PIK3CB: variants seen among roughly 807,000 people sequenced by gnomAD.
PIK3CB encodes the protein phosphatidylinositol 4,5-bisphosphate 3-kinase catalytic subunit beta isoform.
PIK3CB carries 39 observed loss-of-function variants against 136.8 expected under a neutral mutation model. The ratio of observed to expected loss-of-function variants is 0.29; its 90% CI spans 0.22 to 0.37. The LOEUF is 0.37. PIK3CB is among the 10% of genes least tolerant of loss of function. The probability of loss-of-function intolerance (pLI) is 1.00; values close to 1 mark genes in which losing one functional copy is unlikely to be tolerated. For synonymous variants in PIK3CB, 428 were observed against 436.6 expected, an observed-to-expected ratio of 0.98 and a Z score of 0.25; for missense variants, 868 against 1,275.4, an observed-to-expected ratio of 0.68 and a Z score of 4.87.
At chr3:138,713,707 A>G (rs1013776507) in intron 9 of PIK3CB, among the ~76,000 whole-genome samples, 11 of 152,118 alleles carry the variant, frequency 7.2e-5, no homozygotes, top group African/African-American at 2.7e-4. Context: ...AAATTAATAT[A>G]TAGATAAATA....
In PIK3CB at chr3:138,737,906, G is replaced by A; in HGVS notation, c.622-20C>T. The A allele has an allele frequency of 6.7e-7, 1 of 1,500,234 alleles. No individual in the cohort carries two copies. Among genetic ancestry groups the A allele is most frequent in the Non-Finnish European group, 9.1e-7 (1 of 1,103,988 alleles). The allele number at this position is 1,500,234 out of a possible 1,614,324, so 92.9% of individuals were successfully genotyped here. A position where few individuals can be genotyped will look rare whatever the true frequency, so the allele number is the denominator to read the frequency against. On this transcript the variant is annotated intron_variant, in intron 5 of 23. Transcript: ENST00000674063. ...CACGTCCTGAAGGGGGAGGGAGATG[G>A]GGAAAAAAGCAGTAAATGTTATATT... is the stretch of plus-strand genomic sequence containing the variant.
intron 9 of PIK3CB, among the ~76,000 whole-genome samples, chr3:138,713,898 G>A (rs532071158): frequency 7.2e-5 from 11 of 152,118 alleles, no homozygotes; most frequent in Admixed American, 5.2e-4. Flanking sequence ...AAAAACTGAA[G>A]GTTTGTTCAT....
chr3:138,773,467 C>T (rs1176422596), intron 2 of PIK3CB, among the ~76,000 whole-genome samples: 1 of 151,744 alleles, frequency 6.6e-6, no homozygotes, highest in Non-Finnish European at 1.5e-5. Context: ...AGAGGGAGGA[C>T]ATTATTGGTA....
chr3:138,669,145 C>A (rs143743455), intron 19 of PIK3CB, among the ~76,000 whole-genome samples: 23 of 152,254 alleles, frequency 1.5e-4, no homozygotes, highest in Admixed American at 3.9e-4. Flanking sequence ...GGTGCGGTGG[C>A]TCACGCCTGT....
intron 8 of PIK3CB, among the ~76,000 whole-genome samples, chr3:138,726,171 T>G (rs1239758799): frequency 6.6e-6 from 1 of 152,220 alleles, no homozygotes; most frequent in Non-Finnish European, 1.5e-5. Context: ...TGTTCAGTTC[T>G]CAAAGTATGT....
chr3:138,752,552 T>C (rs1388164399), intron 4 of PIK3CB, among the ~76,000 whole-genome samples: 1 of 152,010 alleles, frequency 6.6e-6, no homozygotes, highest in Admixed American at 6.6e-5. Flanking sequence ...TGCCAAAGAA[T>C]ACAAAAATTA....
chr3:138,682,189 C>G, intron 18 of PIK3CB, 144 bp from the exon 19 acceptor site: 1 of 547,272 alleles, frequency 1.8e-6, no homozygotes, highest in South Asian at 2.9e-5. Context: ...AAATATTACA[C>G]TCTTTGGATA....
At chr3:138,777,701 T>A (rs2045875408) in intron 2 of PIK3CB, 1 of 154,058 alleles carries the variant, frequency 6.5e-6, no homozygotes, top group African/African-American at 2.4e-5. Context: ...CCTATTAGAA[T>A]GAAATCACGC....
chr3:138,795,787 A>T (rs1247321470), intron 2 of PIK3CB, among the ~76,000 whole-genome samples: 2 of 152,168 alleles, frequency 1.3e-5, no homozygotes, highest in African/African-American at 4.8e-5. Flanking sequence ...AAATATTTAG[A>T]TTTTATCACC....
At chr3:138,765,048 C>T (rs190730702) in intron 2 of PIK3CB, among the ~76,000 whole-genome samples, 22 of 152,230 alleles carry the variant, frequency 1.4e-4, no homozygotes, top group Non-Finnish European at 2.1e-4. Context: ...AGAAGGAGGC[C>T]GGGCACAGTG....
At chr3:138,729,238 G>A (rs1576364219) in intron 8 of PIK3CB, among the ~76,000 whole-genome samples, 1 of 150,950 alleles carries the variant, frequency 6.6e-6, no homozygotes, top group African/African-American at 2.4e-5. Flanking sequence ...GTGAGATTGC[G>A]CCACTGCACT....
At chr3:138,774,397 C>CA (rs1360190920) in intron 2 of PIK3CB, among the ~76,000 whole-genome samples, 1 of 152,192 alleles carries the variant, frequency 6.6e-6, no homozygotes, top group East Asian at 1.9e-4. Context: ...ACTGGATACA[C>CA]TTTTGCACCT....
intron 4 of PIK3CB, among the ~76,000 whole-genome samples, chr3:138,751,771 G>T (rs2045476585): frequency 6.6e-6 from 1 of 151,890 alleles, no homozygotes; most frequent in Non-Finnish European, 1.5e-5. Context: ...AGGAGTTCGA[G>T]ACCAGCCTAG....
At chr3:138,659,538 G>A (rs1454695039) in intron 21 of PIK3CB, among the ~76,000 whole-genome samples, 1 of 151,968 alleles carries the variant, frequency 6.6e-6, no homozygotes, top group African/African-American at 2.4e-5. Context: ...AAAAAGTTTG[G>A]TTATCGAATT....
chr3:138,750,241 T>G (rs1209661675), intron 4 of PIK3CB, among the ~76,000 whole-genome samples: 1 of 152,196 alleles, frequency 6.6e-6, no homozygotes, highest in East Asian at 1.9e-4. Flanking sequence ...TTAGCATATC[T>G]ATCACCTCAA....
At chr3:138,656,572 G>C (rs1044927185) in intron 22 of PIK3CB, among the ~76,000 whole-genome samples, 1 of 152,048 alleles carries the variant, frequency 6.6e-6, no homozygotes, top group Non-Finnish European at 1.5e-5. Context: ...AATTCTATGA[G>C]ACACAAGAAC....
chr3:138,828,134 T>C (rs1222419465), intron 1 of PIK3CB, among the ~76,000 whole-genome samples: 1 of 151,996 alleles, frequency 6.6e-6, no homozygotes, highest in Admixed American at 6.6e-5. Flanking sequence ...CAAAAGATTT[T>C]AGAACTAATT....
intron 1 of PIK3CB, among the ~76,000 whole-genome samples, chr3:138,816,556 T>C (rs532524560): frequency 1.7e-4 from 26 of 151,886 alleles, no homozygotes; most frequent in African/African-American, 4.6e-4. Flanking sequence ...GATCATGCCA[T>C]TGTACTCTAG....
At chr3:138,760,842 G>A (rs2045653624) in intron 2 of PIK3CB, among the ~76,000 whole-genome samples, 1 of 152,084 alleles carries the variant, frequency 6.6e-6, no homozygotes, top group Non-Finnish European at 1.5e-5. Context: ...AAGAATCTAA[G>A]GCTGCATTGA....
Sources: gnomAD v4.1 joint callset for allele counts (sites outside exome capture counted in the v4.1 genomes callset) on GRCh38, gnomAD v4.1.1 for gene constraint, MANE v1.5 for transcripts, NCBI Gene and HGNC (gene_info 2026-07-23, HGNC 2026-07-21) for gene names.